The following GALNTL6 variants were observed in gnomAD, a reference collection of about 807,000 sequenced individuals.
GALNTL6 encodes polypeptide N-acetylgalactosaminyltransferase-like 6.
GALNTL6 carries 46 observed loss-of-function variants against 73.7 expected under a neutral mutation model. The ratio of observed to expected loss-of-function variants is 0.62; its 90% CI spans 0.49 to 0.80. The LOEUF (loss-of-function observed/expected upper bound fraction) is 0.80. Ranked by LOEUF, GALNTL6 falls within the 30% of genes least tolerant of loss-of-function variation. The pLI, the probability that GALNTL6 is intolerant of heterozygous loss-of-function variation, is 0.00. For synonymous variants in GALNTL6, 259 were observed against 263.7 expected (o/e 0.98, Z 0.17); for missense variants, 604 against 755.0 (o/e 0.80, Z 2.34).
At chr4:172,118,935 T>C (rs548361523) in intron 2 of GALNTL6, among the ~76,000 whole-genome samples, 1 of 152,138 alleles carries the variant, frequency 6.6e-6, no homozygotes, top group East Asian at 1.9e-4. Context: ...AGTAATTTCC[T>C]GTATGTGTGA....
chr4:172,951,335 A>C (rs1749433314), intron 9 of GALNTL6, among the ~76,000 whole-genome samples: 1 of 152,196 alleles, frequency 6.6e-6, no homozygotes, highest in Non-Finnish European at 1.5e-5. Context: ...AAAAGGGCTG[A>C]GCTTCCTACA....
chr4:172,621,376 G>T (rs1482471994), intron 5 of GALNTL6, among the ~76,000 whole-genome samples: 3 of 152,126 alleles, frequency 2.0e-5, no homozygotes, highest in Non-Finnish European at 2.9e-5. Flanking sequence ...TGTTTCTGGA[G>T]ATAACAGTAG....
At chr4:172,584,459 T>C (rs141163600) in intron 5 of GALNTL6, among the ~76,000 whole-genome samples, 15 of 152,230 alleles carry the variant, frequency 9.9e-5, no homozygotes, top group African/African-American at 3.6e-4. Context: ...TCAGGTGACA[T>C]TGATTGGAAT....
intron 5 of GALNTL6, among the ~76,000 whole-genome samples, chr4:172,725,850 A>G (rs371783718): frequency 6.6e-6 from 1 of 152,232 alleles, no homozygotes; most frequent in South Asian, 2.1e-4. Context: ...AGAGAGATAA[A>G]ATACGTACTC....
At chr4:173,020,258 AT>A (rs1752940471) in intron 11 of GALNTL6, among the ~76,000 whole-genome samples, 1 of 152,232 alleles carries the variant, frequency 6.6e-6, no homozygotes, top group African/African-American at 2.4e-5. Context: ...TTGCTTGTTA[AT>A]ACATTGTAAA....
At chr4:172,614,209 T>A (rs1738633812) in intron 5 of GALNTL6, among the ~76,000 whole-genome samples, 1 of 152,130 alleles carries the variant, frequency 6.6e-6, no homozygotes, top group South Asian at 2.1e-4. Context: ...GTTCTGTTTA[T>A]GTAATAGAGT....
intron 5 of GALNTL6, among the ~76,000 whole-genome samples, chr4:172,358,777 A>C (rs2111234583): frequency 6.6e-6 from 1 of 151,926 alleles, no homozygotes; most frequent in South Asian, 2.1e-4. Context: ...AGAAAAAGGC[A>C]AATTTTAGGT....
chr4:172,526,913 GC>G (rs1393019956), intron 5 of GALNTL6, among the ~76,000 whole-genome samples: 1 of 149,938 alleles, frequency 6.7e-6, no homozygotes, highest in Non-Finnish European at 1.5e-5. Context: ...ATTTGGCTTC[GC>G]TTTAGTGTAA....
At chr4:172,612,372 A>G (rs1452596502) in intron 5 of GALNTL6, among the ~76,000 whole-genome samples, 2 of 152,148 alleles carry the variant, frequency 1.3e-5, no homozygotes, top group African/African-American at 4.8e-5. Context: ...ATACACAAAG[A>G]ATAGAAGAAA....
intron 2 of GALNTL6, among the ~76,000 whole-genome samples, chr4:171,839,899 T>C (rs1297508689): frequency 6.6e-6 from 1 of 152,174 alleles, no homozygotes; most frequent in Non-Finnish European, 1.5e-5. Context: ...CTTTTTTGCA[T>C]CATTTAAATG....
At chr4:171,922,395 G>A (rs1737818423) in intron 2 of GALNTL6, among the ~76,000 whole-genome samples, 2 of 152,046 alleles carry the variant, frequency 1.3e-5, no homozygotes, top group Admixed American at 6.6e-5. Context: ...GTGAATCATT[G>A]CTGCTATAAC....
intron 12 of GALNTL6, among the ~76,000 whole-genome samples, chr4:173,039,044 T>C (rs1753802590): frequency 6.6e-6 from 1 of 152,238 alleles, no homozygotes; most frequent in African/African-American, 2.4e-5. Flanking sequence ...CATTACCTTT[T>C]CCCCACTTAA....
At chr4:172,626,046 G>C (rs1208404916) in intron 5 of GALNTL6, among the ~76,000 whole-genome samples, 2 of 152,028 alleles carry the variant, frequency 1.3e-5, no homozygotes, top group African/African-American at 4.8e-5. Flanking sequence ...GTCAATTTTA[G>C]TTTTTGTTGG....
chr4:172,864,817 T>C (rs908970061), intron 7 of GALNTL6, among the ~76,000 whole-genome samples: 2 of 152,234 alleles, frequency 1.3e-5, no homozygotes, highest in Non-Finnish European at 2.9e-5. Context: ...GTTCTATTTC[T>C]ATCTTTACTA....
intron 2 of GALNTL6, among the ~76,000 whole-genome samples, chr4:171,982,598 G>A (rs1022978663): frequency 1.3e-5 from 2 of 152,066 alleles, no homozygotes; most frequent in Non-Finnish European, 1.5e-5. Context: ...GCGCCCGACC[G>A]AAAGTACTTT....
intron 2 of GALNTL6, among the ~76,000 whole-genome samples, chr4:171,844,540 G>A (rs1179284681): frequency 6.6e-6 from 1 of 152,066 alleles, no homozygotes; most frequent in African/African-American, 2.4e-5. Flanking sequence ...TCAGATGTGA[G>A]GTTTGGAAGA....
At chr4:172,794,693 G>A (rs1156470033) in intron 5 of GALNTL6, among the ~76,000 whole-genome samples, 1 of 151,970 alleles carries the variant, frequency 6.6e-6, no homozygotes, top group South Asian at 2.1e-4. Context: ...ACGAATCTTC[G>A]TCAGAATCAA....
intron 2 of GALNTL6, among the ~76,000 whole-genome samples, chr4:172,201,177 GT>G (rs572212018): frequency 3.7e-4 from 53 of 143,230 alleles, no homozygotes; most frequent in Admixed American, 4.9e-4. Flanking sequence ...GTTGGGAGTT[GT>G]TTTTTTTTTT....
At chr4:173,020,807 T>C (rs1395473247) in intron 11 of GALNTL6, among the ~76,000 whole-genome samples, 2 of 152,236 alleles carry the variant, frequency 1.3e-5, no homozygotes, top group East Asian at 3.8e-4. Flanking sequence ...GCACAGTGGC[T>C]CATGCCTGTA....
Sources: allele counts gnomAD v4.1 joint callset (sites outside exome capture counted in the v4.1 genomes callset), GRCh38; gene constraint gnomAD v4.1.1; transcripts MANE v1.5; gene names NCBI Gene and HGNC (gene_info 2026-07-23, HGNC 2026-07-21).